METTL24: variants seen among roughly 807,000 people sequenced by gnomAD.
The protein encoded by METTL24 is probable methyltransferase-like protein 24.
Under a neutral mutation model 32.7 loss-of-function variants are expected in METTL24, and 29 were observed. The ratio of observed to expected loss-of-function variants is 0.89; its 90% CI spans 0.66 to 1.21. METTL24 has a LOEUF of 1.21. METTL24 is among the 50% of genes most tolerant of loss of function. The pLI is 0.00. For synonymous variants in METTL24, 163 were observed against 179.5 expected (o/e 0.91, Z 0.73); for missense variants, 439 against 468.1 (o/e 0.94, Z 0.57).
At chr6:110,251,418 AC>A (rs1163885000) in intron 4 of METTL24, among the ~76,000 whole-genome samples, 7 of 152,300 alleles carry the variant, frequency 4.6e-5, no homozygotes, top group Non-Finnish European at 8.8e-5. Context: ...GTTTTACTTG[AC>A]AGTTGACATA....
intron 3 of METTL24, among the ~76,000 whole-genome samples, chr6:110,305,279 T>C (rs6937303): frequency 0.23 from 35,621 of 151,884 alleles, 6,803 homozygotes; most frequent in African/African-American, 0.53. Context: ...AAAGCCTTCA[T>C]GACTAAAACA....
chr6:110,246,676 G>A (rs1778169835), intron 4 of METTL24, among the ~76,000 whole-genome samples: 1 of 152,174 alleles, frequency 6.6e-6, no homozygotes, highest in Admixed American at 6.5e-5. Context: ...AGAAGGAGAA[G>A]TTAGAGTGAG....
intron 1 of METTL24, among the ~76,000 whole-genome samples, chr6:110,327,169 A>G (rs1040498754): frequency 6.6e-5 from 10 of 152,236 alleles, no homozygotes; most frequent in African/African-American, 2.4e-4. Context: ...TAAATGACTG[A>G]AAATACAAAG....
chr6:110,352,726 AGTAAAACAGGCTCAT>A (rs1772631225), intron 1 of METTL24, among the ~76,000 whole-genome samples: 1 of 152,172 alleles, frequency 6.6e-6, no homozygotes, highest in Non-Finnish European at 1.5e-5. Flanking sequence ...TCCCACGGTA[AGTAAAACAGGCTCAT>A]GTTACTTTCT....
intron 4 of METTL24, among the ~76,000 whole-genome samples, chr6:110,268,067 T>C (rs572268622): frequency 4.6e-5 from 7 of 152,220 alleles, no homozygotes; most frequent in African/African-American, 1.7e-4. Flanking sequence ...GGGACAAACA[T>C]CCAAATCATG....
chr6:110,344,005 G>C (rs1180220367), intron 1 of METTL24, among the ~76,000 whole-genome samples: 1 of 152,194 alleles, frequency 6.6e-6, no homozygotes, highest in Non-Finnish European at 1.5e-5. Context: ...ATAGTACATG[G>C]CTCAAGCCAT....
At chr6:110,292,318 A>T (rs1771334665) in intron 4 of METTL24, among the ~76,000 whole-genome samples, 1 of 152,276 alleles carries the variant, frequency 6.6e-6, no homozygotes, top group South Asian at 2.1e-4. Context: ...GCCCTGCAGA[A>T]AGGCTGTAGC....
At chr6:110,323,852 T>C (rs1230540872) in intron 1 of METTL24, among the ~76,000 whole-genome samples, 6 of 151,930 alleles carry the variant, frequency 3.9e-5, no homozygotes, top group Non-Finnish European at 8.8e-5. Flanking sequence ...GTAGTGAGAA[T>C]GGGCCCCTAA....
intron 1 of METTL24, among the ~76,000 whole-genome samples, chr6:110,327,630 T>C (rs1772038566): frequency 6.6e-6 from 1 of 152,220 alleles, no homozygotes; most frequent in South Asian, 2.1e-4. Flanking sequence ...TTGTGATTAT[T>C]TCCCCATGGA....
intron 4 of METTL24, among the ~76,000 whole-genome samples, chr6:110,277,494 G>T (rs918528517): frequency 6.6e-6 from 1 of 152,188 alleles, no homozygotes; most frequent in African/African-American, 2.4e-5. Context: ...CTAGGGAACA[G>T]GACTCATTTA....
chr6:110,294,157 A>T (rs1771369393), intron 4 of METTL24, among the ~76,000 whole-genome samples: 1 of 152,040 alleles, frequency 6.6e-6, no homozygotes, highest in Non-Finnish European at 1.5e-5. Context: ...AGATAAGTGT[A>T]TGGTGAGAGA....
intron 1 of METTL24, among the ~76,000 whole-genome samples, chr6:110,335,481 A>C (rs1476949535): frequency 6.6e-6 from 1 of 152,114 alleles, no homozygotes; most frequent in Non-Finnish European, 1.5e-5. Context: ...AAAACTTACA[A>C]TGAAAAAAGC....
intron 4 of METTL24, among the ~76,000 whole-genome samples, chr6:110,256,727 T>C (rs558280827): frequency 6.6e-6 from 1 of 152,224 alleles, no homozygotes; most frequent in Admixed American, 6.5e-5. Context: ...ACAGCAGTTA[T>C]CAATTCCATT....
intron 1 of METTL24, among the ~76,000 whole-genome samples, chr6:110,353,202 A>C (rs1374483554): frequency 6.6e-6 from 1 of 152,190 alleles, no homozygotes; most frequent in Non-Finnish European, 1.5e-5. Context: ...AATTACCCTC[A>C]ATGACTTTGT....
At chr6:110,270,779 G>C (rs1220722450) in intron 4 of METTL24, among the ~76,000 whole-genome samples, 1 of 150,624 alleles carries the variant, frequency 6.6e-6, no homozygotes, top group Non-Finnish European at 1.5e-5. Context: ...AGACAAATGA[G>C]TTCTAATTGT....
In METTL24 at chr6:110,358,008, T is replaced by C; in HGVS notation, c.265A>G (p.Ser89Gly). ...CAGCAGCCAGGCTCCGGCGTCCCGCTCCCGCCGCCCCCCGGCGGCGCCCGG... is the reference window on the plus strand; with the variant it reads ...CAGCAGCCAGGCTCCGGCGTCCCGCCCCCGCCGCCCCCCGGCGGCGCCCGG... ...GRRAPPGGGG[S>G]GTPEPGCCAP... The change falls in exon 1 of 5, where the codon AGC (serine) becomes GGC (glycine). Residue 89 changes from serine to glycine, a missense_variant. Physicochemically the swap from Ser to Gly is moderately conservative, Grantham distance 56. Coordinates refer to ENST00000338882, the MANE Select transcript of METTL24 (RefSeq NM_001123364.3). 1 of 1,166,152 alleles carries C rather than the reference T, an allele frequency of 8.6e-7. No homozygotes were observed. The highest frequency in any genetic ancestry group is 1.1e-6 in the Non-Finnish European group (1 of 946,210). 72.2% of individuals were successfully genotyped at this position (1,166,152 alleles called of 1,614,324 possible).
intron 4 of METTL24, among the ~76,000 whole-genome samples, chr6:110,297,708 T>G (rs1771445007): frequency 6.6e-6 from 1 of 152,130 alleles, no homozygotes; most frequent in South Asian, 2.1e-4. Flanking sequence ...TTCCCACACA[T>G]ATGAAAAACA....
At position 110,333,522 on chromosome 6, in the gene METTL24, C is replaced by G. The variant is rs142901671; in HGVS notation, c.319-10650G>C. Among the ~76,000 whole-genome samples, 907 of 152,184 alleles carry G rather than the reference C, an allele frequency of 6.0e-3. 8 individuals carry two copies. Among genetic ancestry groups the G allele is most frequent in the African/African-American group, 0.021 (879 of 41,526 alleles). ...AGGCTAGAGTGCAGTGACATGATCTCGGCTCACTACAACCTCTGCCTCCCA... is the reference window on the plus strand; with the variant it reads ...AGGCTAGAGTGCAGTGACATGATCTGGGCTCACTACAACCTCTGCCTCCCA... On this transcript the variant is annotated intron_variant, in intron 1 of 4. Coordinates refer to ENST00000338882, the MANE Select transcript of METTL24 (RefSeq NM_001123364.3).
At chr6:110,318,852 T>TC (rs1771877515) in intron 2 of METTL24, among the ~76,000 whole-genome samples, 1 of 152,132 alleles carries the variant, frequency 6.6e-6, no homozygotes, top group African/African-American at 2.4e-5. Context: ...GGCCAGGGCT[T>TC]CAATAAGCTC....
Sources: gnomAD v4.1 joint callset for allele counts (sites outside exome capture counted in the v4.1 genomes callset) on GRCh38, gnomAD v4.1.1 for gene constraint, MANE v1.5 for transcripts, NCBI Gene and HGNC (gene_info 2026-07-23, HGNC 2026-07-21) for gene names.